The following TSPAN7 variants were observed in gnomAD, a reference collection of about 807,000 sequenced individuals.
TSPAN7 encodes the protein tetraspanin-7.
A neutral mutation model predicts 17.6 loss-of-function variants in TSPAN7; 1 was observed. The observed-to-expected ratio is 0.06, with a 90% CI of 0.02 to 0.27. TSPAN7 has a LOEUF of 0.27. Ranked by LOEUF, TSPAN7 falls within the 10% of genes least tolerant of loss-of-function variation. TSPAN7 has a pLI of 1.00. For synonymous variants in TSPAN7, 78 were observed against 79.0 expected (o/e 0.99, Z 0.07); for missense variants, 112 against 201.7 (o/e 0.56, Z 2.69).
chrX:38,632,214 A>G (rs1212386821), intron 1 of TSPAN7, among the ~76,000 whole-genome samples: 2 of 111,884 alleles, frequency 1.8e-5, no homozygotes, highest in Admixed American at 1.9e-4. Flanking sequence ...TGTGTTTTCT[A>G]CCAGTAGCAA....
At chrX:38,602,082 G>C (rs2069349903) in intron 1 of TSPAN7, among the ~76,000 whole-genome samples, 1 of 111,498 alleles carries the variant, frequency 9.0e-6, no homozygotes, top group Non-Finnish European at 1.9e-5. Context: ...TACTGGGGTT[G>C]TTAATGTAGT....
intron 5 of TSPAN7, among the ~76,000 whole-genome samples, chrX:38,676,093 C>A (rs2069852229): frequency 9.0e-6 from 1 of 111,687 alleles, no homozygotes; most frequent in South Asian, 3.8e-4. Flanking sequence ...ATCTACCAGG[C>A]ATAGTTAGGA....
chrX:38,578,564 T>C, intron 1 of TSPAN7, among the ~76,000 whole-genome samples: 1 of 111,237 alleles, frequency 9.0e-6, no homozygotes, highest in Non-Finnish European at 1.9e-5. Flanking sequence ...GAGGGTTATG[T>C]AAATGACTTA....
chrX:38,622,115 AGACCCC>A, intron 1 of TSPAN7, among the ~76,000 whole-genome samples: 1 of 112,728 alleles, frequency 8.9e-6, no homozygotes, highest in Admixed American at 9.4e-5. Context: ...CGCCTTGGCC[AGACCCC>A]ACAGTATATT....
intron 1 of TSPAN7, among the ~76,000 whole-genome samples, chrX:38,615,274 A>G (rs1434123652): frequency 1.8e-5 from 2 of 111,719 alleles, no homozygotes; most frequent in African/African-American, 3.3e-5. Context: ...TTTCATAACT[A>G]TAGCTAGCCC....
chrX:38,613,955 G>A (rs1449704266), intron 1 of TSPAN7, among the ~76,000 whole-genome samples: 1 of 107,149 alleles, frequency 9.3e-6, no homozygotes, highest in African/African-American at 3.4e-5. Context: ...TTCAGCTTTG[G>A]TCACTGCTGG....
chrX:38,573,778 A>G (rs2069180869), intron 1 of TSPAN7, among the ~76,000 whole-genome samples: 2 of 111,603 alleles, frequency 1.8e-5, no homozygotes, highest in African/African-American at 6.5e-5. Flanking sequence ...TGCATTTTGT[A>G]GAATGTCCCT....
chrX:38,639,102 G>A, intron 1 of TSPAN7, among the ~76,000 whole-genome samples: 1 of 111,302 alleles, frequency 9.0e-6, no homozygotes, highest in African/African-American at 3.3e-5. Flanking sequence ...TCTCCTCAAA[G>A]GCATGTTTAT....
intron 1 of TSPAN7, among the ~76,000 whole-genome samples, chrX:38,612,920 G>A (rs141145147): frequency 2.6e-3 from 295 of 111,375 alleles, no homozygotes; most frequent in Non-Finnish European, 4.5e-3. Flanking sequence ...CACACTAATG[G>A]GCCATGACAT....
chrX:38,645,917 A>G (rs1429131904), intron 1 of TSPAN7, among the ~76,000 whole-genome samples: 1 of 105,458 alleles, frequency 9.5e-6, no homozygotes, highest in African/African-American at 3.6e-5. Context: ...CCTGGTTAGT[A>G]TATTAGAGAA....
chrX:38,580,754 G>A (rs1602086610), intron 1 of TSPAN7, among the ~76,000 whole-genome samples: 1 of 111,770 alleles, frequency 8.9e-6, no homozygotes. Flanking sequence ...TTTGAGAGGA[G>A]GCAGCTGAGG....
chrX:38,632,508 C>G (rs2069556620), intron 1 of TSPAN7, among the ~76,000 whole-genome samples: 1 of 112,804 alleles, frequency 8.9e-6, no homozygotes, highest in Admixed American at 9.3e-5. Context: ...GCTACTTTCA[C>G]TTTACAAGTT....
intron 1 of TSPAN7, among the ~76,000 whole-genome samples, chrX:38,577,003 C>G (rs2069197462): frequency 9.0e-6 from 1 of 111,055 alleles, no homozygotes; most frequent in Non-Finnish European, 1.9e-5. Context: ...ACCAGGTTAA[C>G]TAGGTAAGAA....
intron 2 of TSPAN7, among the ~76,000 whole-genome samples, chrX:38,670,301 T>G (rs976542214): frequency 1.8e-5 from 2 of 111,799 alleles, no homozygotes; most frequent in African/African-American, 6.5e-5. Context: ...ACATGTGCCT[T>G]GTAGGTAAGG....
At chrX:38,671,517 G>A in intron 3 of TSPAN7, 67 bp downstream of exon 3, 3 of 1,039,644 alleles carry the variant, frequency 2.9e-6, no homozygotes, top group Non-Finnish European at 4.1e-6. Context: ...GAAACCTCTT[G>A]AAATGTGTAA....
chrX:38,593,695 T>G (rs756581181), intron 1 of TSPAN7, among the ~76,000 whole-genome samples: 53 of 112,155 alleles, frequency 4.7e-4, no homozygotes, highest in African/African-American at 1.6e-3. Context: ...GGGTGTTGCT[T>G]CCTTTTGGCT....
intron 1 of TSPAN7, among the ~76,000 whole-genome samples, chrX:38,628,527 T>TAGA (rs2069534315): frequency 9.0e-6 from 1 of 111,569 alleles, no homozygotes; most frequent in Non-Finnish European, 1.9e-5. Flanking sequence ...TGTCGTGCAT[T>TAGA]TTGACTTAAG....
rs1378164937 is a variant in TSPAN7 at position 38,687,724 on chromosome X, C to T, written c.*7+50C>T. 3 of 1,052,986 alleles carry T rather than the reference C, an allele frequency of 2.8e-6. No homozygotes were observed. In the African/African-American group the frequency reaches 5.5e-5, roughly 19 times the overall value. The allele number at this position is 1,052,986 out of a possible 1,213,427, so 86.8% of individuals were successfully genotyped here. ...ATTTTGAGGGGTCCCCTTTGGGACA[C>T]TTACTACCCTTCAAATGTGCAGGAG... On this transcript the variant is annotated intron_variant, in intron 7 of 7. Transcript: ENST00000378482.
At chrX:38,583,701 G>A (rs2069239766) in intron 1 of TSPAN7, among the ~76,000 whole-genome samples, 1 of 111,314 alleles carries the variant, frequency 9.0e-6, no homozygotes, top group South Asian at 3.8e-4. Context: ...AGTACTGAAG[G>A]ATAAGAAGGT....
Sources: allele counts gnomAD v4.1 joint callset (sites outside exome capture counted in the v4.1 genomes callset), GRCh38; gene constraint gnomAD v4.1.1; transcripts MANE v1.5; gene names NCBI Gene and HGNC (gene_info 2026-07-23, HGNC 2026-07-21).